ABL2: variants seen among roughly 807,000 people sequenced by gnomAD.
ABL2 encodes tyrosine-protein kinase ABL2.
Under a neutral mutation model 107.7 loss-of-function variants are expected in ABL2, and 49 were observed. The observed-to-expected ratio is 0.45, with a 90% confidence interval of 0.36 to 0.58. The LOEUF is 0.58. Ranked by LOEUF, ABL2 falls within the 20% of genes least tolerant of loss-of-function variation. ABL2 has a pLI of 0.00. For missense variants in ABL2, 1,245 were observed against 1,457.0 expected, an observed-to-expected ratio of 0.85 and a Z score of 2.37; for synonymous variants, 549 against 548.6, an observed-to-expected ratio of 1.00 and a Z score of -0.01.
chr1:179,123,220 C>T lies in ABL2; in HGVS notation c.688-1353G>A, dbSNP rs562700283. Reference sequence around the variant, plus strand: ...CATTAAAGAAAGAGCCACAATTTACCGGTGGCCAGGAGCAGTGGCTCACAC... The same window carrying T: ...CATTAAAGAAAGAGCCACAATTTACTGGTGGCCAGGAGCAGTGGCTCACAC... On this transcript the variant is annotated intron_variant, in intron 4 of 11. Transcript: ENST00000502732. Among the ~76,000 whole-genome samples the T allele has an allele frequency of 1.2e-4, 19 of 152,116 alleles. No homozygotes were observed. The South Asian group carries it at 2.7e-3, about 22-fold the overall frequency.
intron 5 of ABL2, among the ~76,000 whole-genome samples, chr1:179,120,836 C>A (rs1655121803): frequency 6.6e-6 from 1 of 152,176 alleles, no homozygotes; most frequent in African/African-American, 2.4e-5. Flanking sequence ...CACAGGAGCC[C>A]TGTATTGGAT....
At chr1:179,111,275 CTCAG>C (rs1654048685) in intron 10 of ABL2, among the ~76,000 whole-genome samples, 1 of 137,430 alleles carries the variant, frequency 7.3e-6, no homozygotes, top group South Asian at 2.3e-4. Flanking sequence ...AACCACAGTG[CTCAG>C]TCTTTTTTTT....
intron 1 of ABL2, among the ~76,000 whole-genome samples, chr1:179,213,821 G>A (rs1558003773): frequency 6.6e-6 from 1 of 152,126 alleles, no homozygotes; most frequent in African/African-American, 2.4e-5. Context: ...GCTCACACCT[G>A]TAATCCCAGT....
chr1:179,206,128 C>T (rs759223831), intron 1 of ABL2, among the ~76,000 whole-genome samples: 2 of 152,032 alleles, frequency 1.3e-5, no homozygotes. Context: ...CAAGTCTATA[C>T]CCTTAACTAC....
At chr1:179,178,790 G>A (rs888997384) in intron 1 of ABL2, among the ~76,000 whole-genome samples, 1 of 151,970 alleles carries the variant, frequency 6.6e-6, no homozygotes, top group Non-Finnish European at 1.5e-5. Context: ...CCAGCTACTC[G>A]GGAGGCTGAA....
At chr1:179,207,782 C>CA (rs1662060000) in intron 1 of ABL2, among the ~76,000 whole-genome samples, 1 of 152,138 alleles carries the variant, frequency 6.6e-6, no homozygotes, top group African/African-American at 2.4e-5. Context: ...AGAAATTTAA[C>CA]AGAGGATCTA....
At chr1:179,193,004 T>C (rs563234424) in intron 1 of ABL2, among the ~76,000 whole-genome samples, 1 of 152,344 alleles carries the variant, frequency 6.6e-6, no homozygotes, top group East Asian at 1.9e-4. Flanking sequence ...TTCTGCGTTG[T>C]TGTCTATATC....
chr1:179,161,686 G>A (rs147821299), intron 1 of ABL2, among the ~76,000 whole-genome samples: 511 of 152,300 alleles, frequency 3.4e-3, no homozygotes, highest in Non-Finnish European at 5.5e-3. Flanking sequence ...ACTCCAGCCT[G>A]GATGACACAG....
intron 1 of ABL2, among the ~76,000 whole-genome samples, chr1:179,165,056 C>T (rs1314551697): frequency 2.0e-5 from 3 of 152,120 alleles, no homozygotes; most frequent in Non-Finnish European, 4.4e-5. Flanking sequence ...GTATCTTGTG[C>T]TGTACTCACC....
chr1:179,102,137 C>A lies in ABL2; in HGVS notation c.*5581G>T, dbSNP rs1052909126. On this transcript the variant is annotated 3_prime_UTR_variant, in exon 12 of 12. Transcript: ENST00000502732. ...CGCCATTCTCCTGCCTCAGCCTCCC[C>A]AGTAGCTGGGACTACAGGCGCCCGC... 1.8e-5 allele frequency: 3 copies of A among 162,822 alleles called. No homozygotes were observed. In the South Asian group the frequency reaches 6.2e-4, roughly 33 times the overall value. The allele number at this position is 162,822 out of a possible 1,614,324, so 10.1% of individuals were successfully genotyped here. A position where few individuals can be genotyped will look rare whatever the true frequency, so the allele number is the denominator to read the frequency against.
chr1:179,126,787 T>C lies in ABL2; in HGVS notation c.392-115A>G, dbSNP rs1233037345. ...AAAAAAAAAAAGAATCTAGAACTTT[T>C]ATGCCAAATTTTTTTTTTAAATAAT... On this transcript the variant is annotated intron_variant, in intron 3 of 11. Transcript: ENST00000502732. This position sits in a 1 kb window ranked among gnomAD's most constrained non-coding sequence, Gnocchi z 4.4. The C allele has an allele frequency of 4.3e-6, 5 of 1,154,614 alleles. No individual in the cohort carries two copies. In the African/African-American group the frequency reaches 4.7e-5, roughly 11 times the overall value. 71.5% of individuals were successfully genotyped at this position (1,154,614 alleles called of 1,614,324 possible).
At chr1:179,222,917 T>A (rs910256225) in intron 1 of ABL2, among the ~76,000 whole-genome samples, 1 of 151,136 alleles carries the variant, frequency 6.6e-6, no homozygotes, top group African/African-American at 2.4e-5. Context: ...TCGAGACAAG[T>A]GTGACCAACA....
intron 1 of ABL2, among the ~76,000 whole-genome samples, chr1:179,179,593 A>T (rs1360573159): frequency 6.6e-6 from 1 of 152,086 alleles, no homozygotes; most frequent in African/African-American, 2.4e-5. Flanking sequence ...AAAGTAAATC[A>T]GCTATTATAA....
intron 1 of ABL2, among the ~76,000 whole-genome samples, chr1:179,227,267 A>C (rs1214246149): frequency 6.6e-6 from 1 of 152,216 alleles, no homozygotes; most frequent in East Asian, 1.9e-4. Flanking sequence ...ATGGTGACTA[A>C]AATCACCCAG....
At chr1:179,181,850 G>C (rs891007303) in intron 1 of ABL2, among the ~76,000 whole-genome samples, 1 of 151,206 alleles carries the variant, frequency 6.6e-6, no homozygotes, top group Non-Finnish European at 1.5e-5. Context: ...GCATGATCTC[G>C]GCTCACTGCA....
Position 179,186,439 on chromosome 1 carries a change from C to T in ABL2, c.157+42802G>A, listed in dbSNP as rs138281827. On this transcript the variant is annotated intron_variant, in intron 1 of 11. Transcript: ENST00000502732. ...TCTTGCCCAGGCTAGAGTGCAATGG[C>T]GTGATCTTGGCTCACTGAAATCTCC... 8.5e-3 allele frequency among the ~76,000 whole-genome samples: 1,287 copies of T among 152,000 alleles called. 15 individuals are homozygous for T. Among genetic ancestry groups the T allele is most frequent in the African/African-American group, 0.03 (1,228 of 41,442 alleles).
intron 6 of ABL2, 62 bp downstream of exon 6, chr1:179,120,128 A>T (rs1462237073): frequency 5.7e-6 from 6 of 1,060,382 alleles, no homozygotes; most frequent in Non-Finnish European, 8.3e-6. Flanking sequence ...ATTTGGAGAT[A>T]ACAAGGGGTT....
chr1:179,110,193 G>T (rs1304751333), intron 11 of ABL2, 89 bp downstream of exon 11: 3 of 1,463,814 alleles, frequency 2.0e-6, no homozygotes, highest in Non-Finnish European at 1.9e-6. Context: ...GGGAGGACGG[G>T]CATGAAAGTG....
At chr1:179,151,728 A>C (rs897829488) in intron 1 of ABL2, among the ~76,000 whole-genome samples, 1 of 152,202 alleles carries the variant, frequency 6.6e-6, no homozygotes, top group South Asian at 2.1e-4. Flanking sequence ...TTAAGTAACT[A>C]TAATTCATTG....
Sources: gnomAD v4.1 joint callset for allele counts (sites outside exome capture counted in the v4.1 genomes callset) on GRCh38, gnomAD v4.1.1 for gene constraint, Gnocchi (gnomAD v3.1) non-coding constraint, MANE v1.5 for transcripts, NCBI Gene and HGNC (gene_info 2026-07-23, HGNC 2026-07-21) for gene names.